Variants in TNFRSF19 observed in about 807,000 individuals in gnomAD.
TNFRSF19 encodes the protein tumor necrosis factor receptor superfamily member 19.
TNFRSF19 carries 27 observed loss-of-function variants against 46.4 expected under a neutral mutation model. The observed-to-expected ratio is 0.58, with a 90% confidence interval of 0.43 to 0.80. TNFRSF19 has a LOEUF of 0.80. TNFRSF19 is among the 30% of genes least tolerant of loss of function. TNFRSF19 has a pLI of 0.00. For synonymous variants in TNFRSF19, 204 were observed against 205.0 expected (o/e 1.00, Z 0.04); for missense variants, 511 against 530.8 (o/e 0.96, Z 0.37).
chr13:23,667,947 C>T, intron 7 of TNFRSF19, 33 bp from the exon 8 acceptor site: 1 of 1,527,770 alleles, frequency 6.5e-7, no homozygotes, highest in Non-Finnish European at 8.8e-7. Context: ...CAGAAGGAGG[C>T]ACTGTGCTTC....
At chr13:23,587,899 G>A (rs1253091694) in intron 1 of TNFRSF19, among the ~76,000 whole-genome samples, 1 of 152,188 alleles carries the variant, frequency 6.6e-6, no homozygotes, top group Non-Finnish European at 1.5e-5. Flanking sequence ...TTAGTCTTCA[G>A]ATGCCTTCTG....
Position 23,615,920 on chromosome 13 carries a change from C to A in TNFRSF19, c.234C>A (p.His78Gln). The A allele has an allele frequency of 6.2e-7, 1 of 1,613,852 alleles. No individual in the cohort carries two copies. The highest frequency in any genetic ancestry group is 8.5e-7 in the Non-Finnish European group (1 of 1,179,810). ...CACAGTGTGTGACGTGCCGGCTGCA[C>A]AGGTTCAAGGAGGACTGGGGCTTCC... The part of the protein sequence containing the change: ...EDAQCVTCRL[H>Q]RFKEDWGFQK... Residue 78 changes from histidine (H) to glutamine (Q), a missense_variant, in exon 4 of 10, where the codon CAC (histidine) becomes CAA (glutamine). Transcript: ENST00000248484.
chr13:23,645,448 C>T (rs1163742716), intron 5 of TNFRSF19, among the ~76,000 whole-genome samples: 2 of 152,184 alleles, frequency 1.3e-5, no homozygotes, highest in Admixed American at 6.5e-5. Flanking sequence ...GTGATCTTAC[C>T]GCCTTGGCCT....
intron 3 of TNFRSF19, among the ~76,000 whole-genome samples, chr13:23,614,977 T>C (rs1340618389): frequency 6.6e-6 from 1 of 152,104 alleles, no homozygotes; most frequent in Non-Finnish European, 1.5e-5. Context: ...GATAATGGTG[T>C]AAAGTTCTTG....
chr13:23,596,378 G>A (rs1879725869), intron 3 of TNFRSF19, among the ~76,000 whole-genome samples: 1 of 152,092 alleles, frequency 6.6e-6, no homozygotes, highest in African/African-American at 2.4e-5. Flanking sequence ...ACACACATAG[G>A]CTCAAAATAA....
At chr13:23,657,105 A>G (rs543947243) in intron 5 of TNFRSF19, among the ~76,000 whole-genome samples, 56 of 152,280 alleles carry the variant, frequency 3.7e-4, no homozygotes, top group African/African-American at 1.2e-3. Flanking sequence ...TTTAAAATGT[A>G]TGATTGGATT....
chr13:23,649,082 G>A (rs1389019798), intron 5 of TNFRSF19, among the ~76,000 whole-genome samples: 1 of 152,144 alleles, frequency 6.6e-6, no homozygotes, highest in East Asian at 1.9e-4. Context: ...AGTAATGCTA[G>A]CCTTGTAGAA....
At position 23,606,935 on chromosome 13, in the gene TNFRSF19, G is replaced by A. The variant is rs1165815298; in HGVS notation, c.181-8932G>A. Among the ~76,000 whole-genome samples, 3 of 152,142 alleles carry A rather than the reference G, an allele frequency of 2.0e-5. No homozygotes were observed. In the East Asian group the frequency reaches 5.8e-4, roughly 29 times the overall value. ...CATTGTTCCTTTTGCAACAGCATAT[G>A]TCTTTCAGAGGAAAGAAAAATAAGT... On this transcript the variant is annotated intron_variant, in intron 3 of 9. Coordinates refer to ENST00000248484, the MANE Select transcript of TNFRSF19 (RefSeq NM_148957.4).
rs367860408 is a variant in TNFRSF19, at chr13:23,652,196, A to G, written c.446-6854A>G. The stretch of plus-strand genomic sequence containing the variant: ...GTGGTTAACTGCTCTCTAGGCACTC[A>G]CTGTTTTCTCCATACCTCTGTCTAC... On this transcript the variant is annotated intron_variant, in intron 5 of 9. Coordinates refer to ENST00000248484, the MANE Select transcript of TNFRSF19 (RefSeq NM_148957.4). Among the ~76,000 whole-genome samples, 5 of 152,286 alleles carry G rather than the reference A, an allele frequency of 3.3e-5. No individual in the cohort carries two copies. The East Asian group carries it at 9.6e-4, about 29-fold the overall frequency.
Position 23,626,701 on chromosome 13 carries a change from T to C in TNFRSF19, c.360-6T>C, listed in dbSNP as rs772404032. The C allele has an allele frequency of 2.5e-6, 4 of 1,613,830 alleles. No individual in the cohort carries two copies. In the South Asian group the frequency reaches 4.4e-5, roughly 18 times the overall value. ...TTAACAAGGAGTATTTTCCTTTCTC[T>C]TCTAGATTTTATAGGAAGACGAAAC... is the stretch of plus-strand genomic sequence containing the variant. On this transcript the variant is annotated splice_region_variant and splice_polypyrimidine_tract_variant and intron_variant, in intron 4 of 9. Coordinates refer to ENST00000248484, the MANE Select transcript of TNFRSF19 (RefSeq NM_148957.4).
At position 23,616,588 on chromosome 13, in the gene TNFRSF19, TTGTTC is replaced by T. The variant is rs201438736; in HGVS notation, c.359+548_359+552del. 7.2e-3 allele frequency among the ~76,000 whole-genome samples: 1,080 copies of T among 149,438 alleles called. 12 individuals are homozygous for T. Among genetic ancestry groups the T allele is most frequent in the African/African-American group, 0.023 (968 of 41,234 alleles). On this transcript the variant is annotated intron_variant, in intron 4 of 9. Transcript: ENST00000248484. ...TGTTTGTTTGTTTGTTTGTTTTGTT[TTGTTC>T]TGTTTTGAGATGGAATTTCGCTCTT...
chr13:23,651,755 T>A (rs1305387264), intron 5 of TNFRSF19, among the ~76,000 whole-genome samples: 1 of 151,482 alleles, frequency 6.6e-6, no homozygotes, highest in Non-Finnish European at 1.5e-5. Context: ...TTAAATTAGG[T>A]CAAGCTATAT....
At chr13:23,621,920 C>A (rs902917071) in intron 4 of TNFRSF19, among the ~76,000 whole-genome samples, 1 of 151,992 alleles carries the variant, frequency 6.6e-6, no homozygotes, top group African/African-American at 2.4e-5. Context: ...CACTGCACTC[C>A]AGCCTGGGTG....
At chr13:23,651,461 A>G (rs1435802999) in intron 5 of TNFRSF19, among the ~76,000 whole-genome samples, 1 of 152,192 alleles carries the variant, frequency 6.6e-6, no homozygotes, top group East Asian at 1.9e-4. Flanking sequence ...AGGAAACCAG[A>G]TGTGTTATTT....
At chr13:23,597,740 C>G (rs9580698) in intron 3 of TNFRSF19, among the ~76,000 whole-genome samples, 44,559 of 152,054 alleles carry the variant, frequency 0.29, 6,652 homozygotes, top group South Asian at 0.34. Flanking sequence ...CTCTCTAACT[C>G]ATTTTATGAG....
intron 3 of TNFRSF19, 81 bp from the exon 4 acceptor site, chr13:23,615,786 G>C (rs1593257905): frequency 7.2e-7 from 1 of 1,396,528 alleles, no homozygotes; most frequent in East Asian, 2.4e-5. Context: ...ATTAGACCAG[G>C]TCTTCGTTTC....
intron 5 of TNFRSF19, among the ~76,000 whole-genome samples, chr13:23,631,717 A>G (rs1435304938): frequency 6.6e-6 from 1 of 152,222 alleles, no homozygotes; most frequent in Non-Finnish European, 1.5e-5. Context: ...TTTTGAAATC[A>G]ATACAGGTTT....
At chr13:23,589,179 G>A (rs921391399) in intron 1 of TNFRSF19, among the ~76,000 whole-genome samples, 1 of 152,120 alleles carries the variant, frequency 6.6e-6, no homozygotes, top group African/African-American at 2.4e-5. Context: ...TCTACCTGAT[G>A]GTGCAGCCAG....
chr13:23,630,837 T>C (rs1047245805), intron 5 of TNFRSF19, among the ~76,000 whole-genome samples: 2 of 152,204 alleles, frequency 1.3e-5, no homozygotes, highest in Non-Finnish European at 2.9e-5. Flanking sequence ...ACAAATGGTT[T>C]TGAAAAAATT....
Sources: gnomAD v4.1 joint callset for allele counts (sites outside exome capture counted in the v4.1 genomes callset) on GRCh38, gnomAD v4.1.1 for gene constraint, MANE v1.5 for transcripts, NCBI Gene and HGNC (gene_info 2026-07-23, HGNC 2026-07-21) for gene names.